The following PDE11A variants were observed in gnomAD, a reference collection of about 807,000 sequenced individuals.
PDE11A encodes phosphodiesterase 11A.
PDE11A carries 100 observed loss-of-function variants against 100.5 expected under a neutral mutation model. The ratio of observed to expected loss-of-function variants is 1.00; its 90% CI spans 0.85 to 1.18. The LOEUF (loss-of-function observed/expected upper bound fraction) is 1.18, where lower values mean the gene tolerates loss of function less well. PDE11A is among the 50% of genes most tolerant of loss of function. The pLI is 0.00. For synonymous variants in PDE11A, 381 were observed against 420.8 expected (o/e 0.91, Z 1.16); for missense variants, 1,141 against 1,152.6 (o/e 0.99, Z 0.15).
intron 6 of PDE11A, among the ~76,000 whole-genome samples, chr2:177,822,508 C>A (rs949713926): frequency 1.3e-5 from 2 of 152,036 alleles, no homozygotes; most frequent in East Asian, 3.8e-4. Flanking sequence ...TATGATAAGG[C>A]TCAGTATCTG....
At chr2:177,756,601 C>G (rs2082093479) in intron 10 of PDE11A, among the ~76,000 whole-genome samples, 1 of 152,202 alleles carries the variant, frequency 6.6e-6, no homozygotes, top group South Asian at 2.1e-4. Flanking sequence ...TTTCACAGAA[C>G]TCGTCTCCAT....
At chr2:177,673,132 G>A (rs1307837142) in intron 17 of PDE11A, among the ~76,000 whole-genome samples, 1 of 152,184 alleles carries the variant, frequency 6.6e-6, no homozygotes, top group South Asian at 2.1e-4. Context: ...TGTATGGAAT[G>A]TGGATGTGGT....
chr2:177,777,072 G>C (rs1037368418), intron 9 of PDE11A, among the ~76,000 whole-genome samples: 8 of 152,126 alleles, frequency 5.3e-5, no homozygotes, highest in Admixed American at 5.2e-4. Context: ...TAAGTTTCCT[G>C]AGGCCTCCCC....
At chr2:177,708,650 T>C (rs536910245) in intron 13 of PDE11A, among the ~76,000 whole-genome samples, 3 of 152,276 alleles carry the variant, frequency 2.0e-5, no homozygotes, top group East Asian at 3.9e-4. Context: ...AAACAAGCAA[T>C]GTTTTATAAT....
At chr2:177,993,064 G>A (rs1293616297) in intron 2 of PDE11A, among the ~76,000 whole-genome samples, 2 of 152,106 alleles carry the variant, frequency 1.3e-5, no homozygotes, top group Non-Finnish European at 2.9e-5. Context: ...TGTTTCTAGG[G>A]GCACTTCTCA....
At chr2:177,962,526 AT>A (rs1269181627) in intron 2 of PDE11A, among the ~76,000 whole-genome samples, 2 of 152,176 alleles carry the variant, frequency 1.3e-5, no homozygotes, top group Non-Finnish European at 2.9e-5. Context: ...GAGATTCTGG[AT>A]TTTAAAATTT....
intron 16 of PDE11A, among the ~76,000 whole-genome samples, chr2:177,678,697 G>C (rs1301916937): frequency 2.0e-5 from 3 of 152,122 alleles, no homozygotes; most frequent in African/African-American, 7.2e-5. Context: ...AGGGGAGAGG[G>C]GAGAACCCAG....
chr2:177,946,113 G>T, intron 2 of PDE11A, among the ~76,000 whole-genome samples: 1 of 101,638 alleles, frequency 9.8e-6, no homozygotes, highest in Non-Finnish European at 2.0e-5. Flanking sequence ...GGGGGGGTCA[G>T]CCCTCCGCCC....
At chr2:177,931,911 C>CAAAAAAAAAAAAAA (rs71410773) in intron 2 of PDE11A, among the ~76,000 whole-genome samples, 3 of 80,240 alleles carry the variant, frequency 3.7e-5, no homozygotes, top group Non-Finnish European at 5.2e-5. Context: ...GCTAGATTAA[C>CAAAAAAAAAAAAAA]AAAAAAAAAA....
intron 10 of PDE11A, among the ~76,000 whole-genome samples, chr2:177,746,427 C>T (rs1304510574): frequency 6.6e-6 from 1 of 152,014 alleles, no homozygotes; most frequent in East Asian, 1.9e-4. Context: ...AATAACTAAA[C>T]AAACCAAAAT....
chr2:177,641,235 A>G (rs1334695700), intron 19 of PDE11A, among the ~76,000 whole-genome samples: 3 of 152,194 alleles, frequency 2.0e-5, no homozygotes, highest in Non-Finnish European at 4.4e-5. Flanking sequence ...CCCTATCAGA[A>G]AAGAGTATTG....
chr2:177,853,708 G>GTT (rs1558974075), intron 5 of PDE11A, among the ~76,000 whole-genome samples: 9 of 61,818 alleles, frequency 1.5e-4, no homozygotes, highest in African/African-American at 3.1e-4. Context: ...GTGTGTGTGT[G>GTT]TGTGTTTGTG....
In PDE11A at chr2:177,820,267, C is replaced by A. The variant is rs1331676552; in HGVS notation, c.1529G>T (p.Arg510Ile). 4 of 1,592,730 alleles carry A rather than the reference C, an allele frequency of 2.5e-6. No homozygotes were observed. The highest frequency in any genetic ancestry group is 3.4e-6 in the Non-Finnish European group (4 of 1,161,200). ...CCAAATAGGGACACAAAGAACAGAT[C>A]TTATGTGAAAACCAGATATCTGGTC... ...EADQISGFHIRSVLCVPIWNS... is the reference protein window; with the variant it reads ...EADQISGFHIISVLCVPIWNS... Residue 510 changes from arginine (R) to isoleucine (I), a missense_variant, in exon 7 of 20, where the codon AGA (arginine) becomes ATA (isoleucine). Coordinates refer to ENST00000286063, the MANE Select transcript of PDE11A (RefSeq NM_016953.4).
chr2:177,928,438 C>A (rs1018149530), intron 2 of PDE11A, among the ~76,000 whole-genome samples: 6 of 152,156 alleles, frequency 3.9e-5, no homozygotes, highest in Non-Finnish European at 8.8e-5. Context: ...TTCAAAGCTG[C>A]AGTGAACTAT....
intron 10 of PDE11A, among the ~76,000 whole-genome samples, chr2:177,768,222 T>C (rs2082265414): frequency 6.6e-6 from 1 of 152,196 alleles, no homozygotes; most frequent in African/African-American, 2.4e-5. Context: ...CATGCGCTTG[T>C]GTTTGGAACA....
At chr2:177,870,691 A>T (rs1052839261) in intron 5 of PDE11A, among the ~76,000 whole-genome samples, 6 of 152,230 alleles carry the variant, frequency 3.9e-5, no homozygotes, top group Non-Finnish European at 8.8e-5. Context: ...CTGGGTTTCA[A>T]ATATTGCCTC....
chr2:178,026,823 A>G (rs1434569445), intron 1 of PDE11A, among the ~76,000 whole-genome samples: 1 of 152,164 alleles, frequency 6.6e-6, no homozygotes, highest in Admixed American at 6.5e-5. Context: ...TCAGAAAATT[A>G]TGGATTATTC....
intron 19 of PDE11A, among the ~76,000 whole-genome samples, chr2:177,640,595 G>T (rs1383680008): frequency 1.3e-5 from 2 of 152,186 alleles, no homozygotes; most frequent in Non-Finnish European, 2.9e-5. Context: ...GTGAATTGTT[G>T]AACTGCTAAT....
chr2:177,800,769 A>G (rs1391636189), intron 9 of PDE11A, among the ~76,000 whole-genome samples: 1 of 152,180 alleles, frequency 6.6e-6, no homozygotes, highest in Non-Finnish European at 1.5e-5. Flanking sequence ...GCAGGAGTAC[A>G]CTAGATCTAT....
Sources: gnomAD v4.1 joint callset for allele counts (sites outside exome capture counted in the v4.1 genomes callset) on GRCh38, gnomAD v4.1.1 for gene constraint, MANE v1.5 for transcripts, NCBI Gene and HGNC (gene_info 2026-07-23, HGNC 2026-07-21) for gene names.